Variants in RBMS3 observed in about 807,000 individuals in gnomAD.
RBMS3 encodes the protein RNA-binding motif, single-stranded-interacting protein 3.
RBMS3 carries 27 observed loss-of-function variants against 66.8 expected under a neutral mutation model. The ratio of observed to expected loss-of-function variants is 0.40; its 90% CI spans 0.30 to 0.56. The LOEUF is 0.56. Among genes scored for constraint, RBMS3 ranks in the 20% least tolerant of loss-of-function variants. The pLI, the probability that RBMS3 is intolerant of heterozygous loss-of-function variation, is 0.40. For missense variants in RBMS3, 513 were observed against 549.5 expected, an observed-to-expected ratio of 0.93 and a Z score of 0.66; for synonymous variants, 188 against 183.0, an observed-to-expected ratio of 1.03 and a Z score of -0.22.
intron 6 of RBMS3, among the ~76,000 whole-genome samples, chr3:29,864,579 G>A (rs574651941): frequency 9.2e-5 from 14 of 152,212 alleles, no homozygotes; most frequent in South Asian, 4.2e-4. Flanking sequence ...TGAAAATAAA[G>A]CTTAAACGTT....
At chr3:29,581,203 G>A (rs573864408) in intron 3 of RBMS3, among the ~76,000 whole-genome samples, 1 of 152,214 alleles carries the variant, frequency 6.6e-6, no homozygotes, top group Non-Finnish European at 1.5e-5. Context: ...ACAGTAAATG[G>A]ATACAAAAGA....
At chr3:29,466,446 A>G (rs987356692) in intron 2 of RBMS3, among the ~76,000 whole-genome samples, 1 of 152,152 alleles carries the variant, frequency 6.6e-6, no homozygotes, top group African/African-American at 2.4e-5. Context: ...TAGCTCCTTC[A>G]GAAGATTAAA....
At chr3:29,587,231 T>C (rs56049588) in intron 4 of RBMS3, 26 bp downstream of exon 4, 13,344 of 637,332 alleles carry the variant, frequency 0.021, 110 homozygotes, top group Middle Eastern at 0.058. Context: ...AGGGGTGTTT[T>C]TTTTTTTTTT....
intron 1 of RBMS3, among the ~76,000 whole-genome samples, chr3:29,291,934 C>T (rs1025868529): frequency 3.3e-5 from 5 of 151,692 alleles, no homozygotes; most frequent in Non-Finnish European, 7.4e-5. Context: ...CCCAGTGTTA[C>T]AGGAAAATCA....
Position 29,601,688 on chromosome 3 carries a change from A to G in RBMS3, c.399+14483A>G, listed in dbSNP as rs191386506. On this transcript the variant is annotated intron_variant, in intron 4 of 14. Transcript: ENST00000383767. ...CTGTGCAAATAATTTCTAATTGTAA[A>G]CAAAGTTGTCACACTATCTTGCACA... 4.6e-5 allele frequency among the ~76,000 whole-genome samples: 7 copies of G among 152,176 alleles called. No individual in the cohort carries two copies. In the East Asian group the frequency reaches 1.4e-3, roughly 29 times the overall value.
chr3:29,681,404 G>C (rs142538935), intron 4 of RBMS3, among the ~76,000 whole-genome samples: 1 of 152,164 alleles, frequency 6.6e-6, no homozygotes, highest in African/African-American at 2.4e-5. Flanking sequence ...TGTTACGTAG[G>C]TAAATGTGTG....
chr3:29,869,016 C>T (rs1186380720), intron 7 of RBMS3, 52 bp downstream of exon 7: 9 of 1,436,920 alleles, frequency 6.3e-6, no homozygotes, highest in African/African-American at 1.4e-5. Flanking sequence ...AGATATCCCT[C>T]AGAAGGTGGC....
intron 1 of RBMS3, among the ~76,000 whole-genome samples, chr3:29,315,421 C>A (rs1215595275): frequency 6.6e-6 from 1 of 151,934 alleles, no homozygotes; most frequent in South Asian, 2.1e-4. Flanking sequence ...CTCATGTATA[C>A]ACACATACAT....
intron 6 of RBMS3, among the ~76,000 whole-genome samples, chr3:29,769,615 G>GTT (rs34803746): frequency 3.3e-5 from 5 of 150,316 alleles, no homozygotes; most frequent in East Asian, 2.0e-4. Flanking sequence ...AAAGAGGGTT[G>GTT]TTTTTTTTCT....
chr3:29,935,575 T>A (rs1220562045), intron 10 of RBMS3, among the ~76,000 whole-genome samples: 1 of 152,156 alleles, frequency 6.6e-6, no homozygotes, highest in Non-Finnish European at 1.5e-5. Context: ...TTTTAATATG[T>A]CCTTCAAAGA....
intron 3 of RBMS3, among the ~76,000 whole-genome samples, chr3:29,509,411 A>G (rs1163013175): frequency 2.6e-5 from 4 of 152,356 alleles, no homozygotes; most frequent in Admixed American, 1.3e-4. Context: ...AGTTTTACAT[A>G]TATGATAGCA....
intron 1 of RBMS3, among the ~76,000 whole-genome samples, chr3:29,359,864 T>C (rs2037460691): frequency 6.6e-6 from 1 of 152,182 alleles, no homozygotes; most frequent in Non-Finnish European, 1.5e-5. Context: ...CTGATGGTAG[T>C]TTGTATTTCT....
intron 1 of RBMS3, among the ~76,000 whole-genome samples, chr3:29,378,425 T>C (rs2125617715): frequency 6.7e-6 from 1 of 149,928 alleles, no homozygotes; most frequent in African/African-American, 2.5e-5. Context: ...TGAGCCGAGA[T>C]CGCGCCACGG....
intron 1 of RBMS3, among the ~76,000 whole-genome samples, chr3:29,389,887 A>T (rs1366101856): frequency 6.6e-6 from 1 of 152,152 alleles, no homozygotes; most frequent in African/African-American, 2.4e-5. Flanking sequence ...GAATTGCTTC[A>T]TAGAGGTAGA....
intron 4 of RBMS3, among the ~76,000 whole-genome samples, chr3:29,710,265 A>G (rs924868008): frequency 6.6e-6 from 1 of 152,190 alleles, no homozygotes; most frequent in African/African-American, 2.4e-5. Flanking sequence ...GGTGATAGTC[A>G]TTAAGAATGC....
intron 6 of RBMS3, among the ~76,000 whole-genome samples, chr3:29,816,967 C>T (rs1226543120): frequency 5.3e-5 from 8 of 151,814 alleles, no homozygotes; most frequent in Non-Finnish European, 7.4e-5. Flanking sequence ...GGTGCACACC[C>T]GTAATCCCAG....
At chr3:29,789,135 A>G (rs2149423559) in intron 6 of RBMS3, among the ~76,000 whole-genome samples, 1 of 152,174 alleles carries the variant, frequency 6.6e-6, no homozygotes, top group East Asian at 1.9e-4. Context: ...GATGTTTGTA[A>G]GTTATTTATC....
At chr3:29,909,974 T>C (rs1577121100) in intron 10 of RBMS3, among the ~76,000 whole-genome samples, 1 of 152,230 alleles carries the variant, frequency 6.6e-6, no homozygotes, top group East Asian at 1.9e-4. Flanking sequence ...TGATCTCCAG[T>C]GTGTCCTTGG....
intron 3 of RBMS3, among the ~76,000 whole-genome samples, chr3:29,566,687 A>G (rs922453967): frequency 2.6e-5 from 4 of 151,978 alleles, no homozygotes; most frequent in African/African-American, 9.7e-5. Context: ...GTGCGATTCA[A>G]TTAATGGAAG....
Sources: gnomAD v4.1 joint callset for allele counts (sites outside exome capture counted in the v4.1 genomes callset) on GRCh38, gnomAD v4.1.1 for gene constraint, MANE v1.5 for transcripts, NCBI Gene and HGNC (gene_info 2026-07-23, HGNC 2026-07-21) for gene names.